XXYLT1: variants seen among roughly 807,000 people sequenced by gnomAD.
XXYLT1 encodes UDP-xylose:alpha-xyloside alpha-1,3-xylosyltransferase.
Under a neutral mutation model 28.9 loss-of-function variants are expected in XXYLT1, and 20 were observed. That is an observed-to-expected ratio of 0.69 (90% CI 0.49 to 1.00). The LOEUF is 1.00. Among genes scored for constraint, XXYLT1 ranks in the 50% least tolerant of loss-of-function variants. The pLI is 0.00. For synonymous variants in XXYLT1, 257 were observed against 253.8 expected, an observed-to-expected ratio of 1.01 and a Z score of -0.12; for missense variants, 542 against 560.1, an observed-to-expected ratio of 0.97 and a Z score of 0.33.
chr3:195,182,577 G>A (rs571134502), intron 2 of XXYLT1, among the ~76,000 whole-genome samples: 4 of 152,256 alleles, frequency 2.6e-5, no homozygotes, highest in South Asian at 2.1e-4. Flanking sequence ...AAACAGCTCC[G>A]TGGAGGAGGA....
chr3:195,269,177 A>G (rs1725938553), intron 1 of XXYLT1, among the ~76,000 whole-genome samples: 1 of 152,226 alleles, frequency 6.6e-6, no homozygotes, highest in Admixed American at 6.5e-5. Flanking sequence ...AGAAGAGATG[A>G]CAATGCTATC....
At chr3:195,151,535 A>G (rs1720251619) in intron 3 of XXYLT1, among the ~76,000 whole-genome samples, 1 of 152,180 alleles carries the variant, frequency 6.6e-6, no homozygotes, top group Admixed American at 6.5e-5. Context: ...GTCTTTAAAA[A>G]ATAAAAAAAT....
chr3:195,244,875 C>A lies in XXYLT1; in HGVS notation c.505-18019G>T, dbSNP rs200418626. Among the ~76,000 whole-genome samples, 381 of 126,568 alleles carry A rather than the reference C, an allele frequency of 3.0e-3. 2 individuals carry two copies. Among genetic ancestry groups the A allele is most frequent in the African/African-American group, 9.2e-3 (315 of 34,158 alleles). The allele number at this position is 126,568 out of a possible 152,430, so 83.0% of individuals were successfully genotyped here. A position where few individuals can be genotyped will look rare whatever the true frequency, so the allele number is the denominator to read the frequency against. On this transcript the variant is annotated intron_variant, in intron 1 of 3. Transcript: ENST00000310380. Reference sequence around the variant, plus strand: ...CAAAAAAAAAAAAAACAAAAAAAAACCCACTCCCGGCCGGGTGCGGTGGCT... The same window carrying A: ...CAAAAAAAAAAAAAACAAAAAAAAAACCACTCCCGGCCGGGTGCGGTGGCT...
chr3:195,157,958 A>C (rs1236081642), intron 2 of XXYLT1, among the ~76,000 whole-genome samples: 5 of 152,182 alleles, frequency 3.3e-5, no homozygotes, highest in Non-Finnish European at 7.3e-5. Context: ...TAGCTTATGG[A>C]CAGTGTTACA....
chr3:195,163,844 G>C (rs1029438705), intron 2 of XXYLT1, among the ~76,000 whole-genome samples: 1 of 152,224 alleles, frequency 6.6e-6, no homozygotes, highest in Non-Finnish European at 1.5e-5. Flanking sequence ...GCAAGACAGG[G>C]GCTGCTGGGG....
At position 195,271,009 on chromosome 3, in the gene XXYLT1, A is replaced by C. The variant is rs1025608071; in HGVS notation, c.50T>G (p.Leu17Arg). Reference sequence around the variant, plus strand: ...GCAGTAGTGGGAGCGCACAGCGCCCAGGCGCGCCATGGCCCGAGCGCATGG... The same window carrying C: ...GCAGTAGTGGGAGCGCACAGCGCCCCGGCGCGCCATGGCCCGAGCGCATGG... ...GLPCARAMAR[L>R]GAVRSHYCAL... is the part of the protein sequence containing the mutation. The change falls in exon 1 of 4, where the codon CTG (leucine) becomes CGG (arginine). Residue 17 changes from leucine (L) to arginine (R), a missense_variant. Physicochemically the swap from Leu to Arg is moderately radical, Grantham distance 102 (BLOSUM62 -2). Coordinates refer to ENST00000310380, the MANE Select transcript of XXYLT1 (RefSeq NM_152531.5). 1.6e-5 allele frequency: 24 copies of C among 1,475,502 alleles called. No homozygotes were observed. The highest frequency in any genetic ancestry group is 2.1e-5 in the Non-Finnish European group (24 of 1,118,288). The allele number at this position is 1,475,502 out of a possible 1,614,324, so 91.4% of individuals were successfully genotyped here. A position where few individuals can be genotyped will look rare whatever the true frequency, so the allele number is the denominator to read the frequency against.
rs1294152439 is a variant in XXYLT1 at position 195,070,090 on chromosome 3, G to C, written c.807C>G (p.Arg269=). The C allele has an allele frequency of 9.5e-6, 15 of 1,577,288 alleles. No homozygotes were observed. Among genetic ancestry groups the C allele is most frequent in the Non-Finnish European group, 1.3e-5 (15 of 1,169,524 alleles). ...PVYRHTFWQF[R]HENPQTRVGG... ...CAACCCGGGTCTGGGGGTTCTCATG[G>C]CGGAACTGCCAGAATGTGTGCCTGT... Residue 269 remains arginine, a synonymous_variant, in exon 4 of 4, where the codon CGC becomes CGG. Transcript: ENST00000310380.
chr3:195,268,427 G>A (rs141180769), intron 1 of XXYLT1, among the ~76,000 whole-genome samples: 151 of 139,860 alleles, frequency 1.1e-3, no homozygotes, highest in African/African-American at 3.7e-3. Context: ...GCAAAACTCT[G>A]TCTCAAAAAA....
intron 3 of XXYLT1, among the ~76,000 whole-genome samples, chr3:195,100,161 C>T (rs1716697933): frequency 6.6e-6 from 1 of 152,188 alleles, no homozygotes; most frequent in African/African-American, 2.4e-5. Flanking sequence ...GTTCCCCCTG[C>T]TTCATGCGAC....
chr3:195,107,758 G>T (rs565306244), intron 3 of XXYLT1, among the ~76,000 whole-genome samples: 28 of 151,892 alleles, frequency 1.8e-4, no homozygotes, highest in African/African-American at 6.5e-4. Context: ...CTGCGCTTCT[G>T]GCGGGGATCC....
Position 195,213,108 on chromosome 3 carries a change from A to C in XXYLT1, c.652+13601T>G, listed in dbSNP as rs1459156244. ...AGTGAATAATTAAAATGGCACACCCAACGACATGCTCTATTGGCAGGGGAC... is the reference window on the plus strand; with the variant it reads ...AGTGAATAATTAAAATGGCACACCCCACGACATGCTCTATTGGCAGGGGAC... On this transcript the variant is annotated intron_variant, in intron 2 of 3. Transcript: ENST00000310380. Among the ~76,000 whole-genome samples, 6 of 152,328 alleles carry C rather than the reference A, an allele frequency of 3.9e-5. No homozygotes were observed. In the South Asian group the frequency reaches 6.2e-4, roughly 16 times the overall value.
intron 3 of XXYLT1, among the ~76,000 whole-genome samples, chr3:195,135,287 G>A (rs1478623898): frequency 2.0e-5 from 3 of 152,156 alleles, no homozygotes; most frequent in Non-Finnish European, 4.4e-5. Context: ...GTCTGCTAGA[G>A]TTAGGAAAGA....
intron 3 of XXYLT1, among the ~76,000 whole-genome samples, chr3:195,119,244 A>G (rs1378188190): frequency 6.7e-6 from 1 of 149,342 alleles, no homozygotes; most frequent in African/African-American, 2.5e-5. Context: ...AGATTGCGCC[A>G]TTGCACTCCA....
chr3:195,172,614 C>G (rs1432323124), intron 2 of XXYLT1, among the ~76,000 whole-genome samples: 1 of 152,202 alleles, frequency 6.6e-6, no homozygotes, highest in East Asian at 1.9e-4. Flanking sequence ...AGGGGAAAGA[C>G]AGGCAGGGGT....
intron 3 of XXYLT1, among the ~76,000 whole-genome samples, chr3:195,127,772 A>ATGTGTGTGTGTG (rs3073344): frequency 0.024 from 3,677 of 151,510 alleles, 124 homozygotes; most frequent in African/African-American, 0.077. Context: ...GTGAGACAAA[A>ATGTGTGTGTGTG]TGTGTGTGTG....
Position 195,256,049 on chromosome 3 carries a change from C to A in XXYLT1, c.504+14506G>T, listed in dbSNP as rs920051882. ...AAGAGGCCACCCAGCCAGCAGCAGG[C>A]ACAGGGGCACCGTGGGAACCCTTCT... On this transcript the variant is annotated intron_variant, in intron 1 of 3. Coordinates refer to ENST00000310380, the MANE Select transcript of XXYLT1 (RefSeq NM_152531.5). The surrounding 1 kb of genome is among the most constrained non-coding windows in gnomAD (Gnocchi z 4.2). Among the ~76,000 whole-genome samples the A allele has an allele frequency of 1.3e-5, 2 of 152,182 alleles. No homozygotes were observed. The highest frequency in any genetic ancestry group is 4.8e-5 in the African/African-American group (2 of 41,438).
At chr3:195,239,083 C>A (rs184888868) in intron 1 of XXYLT1, among the ~76,000 whole-genome samples, 2 of 152,230 alleles carry the variant, frequency 1.3e-5, no homozygotes, top group African/African-American at 4.8e-5. Context: ...TTGTTCCAGA[C>A]GCTGTGCTGC....
chr3:195,207,207 G>C (rs1723111940), intron 2 of XXYLT1, among the ~76,000 whole-genome samples: 1 of 152,178 alleles, frequency 6.6e-6, no homozygotes, highest in African/African-American at 2.4e-5. Flanking sequence ...GTCCCATGTT[G>C]TTGCTCCCTA....
intron 3 of XXYLT1, among the ~76,000 whole-genome samples, chr3:195,132,887 GAAGCCAGATTTT>G (rs749139166): frequency 6.6e-6 from 1 of 152,238 alleles, no homozygotes; most frequent in Non-Finnish European, 1.5e-5. Flanking sequence ...TGAAGAAAGT[GAAGCCAGATTTT>G]AAGTATTTGC....
Sources: allele counts gnomAD v4.1 joint callset (sites outside exome capture counted in the v4.1 genomes callset), GRCh38; gene constraint gnomAD v4.1.1; non-coding constraint Gnocchi (gnomAD v3.1); transcripts MANE v1.5; gene names NCBI Gene and HGNC (gene_info 2026-07-23, HGNC 2026-07-21).